The following EYA1 variants were observed in gnomAD, a reference collection of about 807,000 sequenced individuals.
EYA1 encodes protein phosphatase EYA1.
A neutral mutation model predicts 82.0 loss-of-function variants in EYA1; 16 were observed. That is an observed-to-expected ratio of 0.20 (90% CI 0.13 to 0.30). The LOEUF (loss-of-function observed/expected upper bound fraction) is 0.30, where lower values mean the gene tolerates loss of function less well. Among genes scored for constraint, EYA1 ranks in the 10% least tolerant of loss-of-function variants. The pLI is 1.00. For missense variants in EYA1, 633 were observed against 730.7 expected, an observed-to-expected ratio of 0.87 and a Z score of 1.54; for synonymous variants, 261 against 264.4, an observed-to-expected ratio of 0.99 and a Z score of 0.12.
At chr8:71,337,807 G>T (rs961554480) in intron 3 of EYA1, among the ~76,000 whole-genome samples, 5 of 152,174 alleles carry the variant, frequency 3.3e-5, no homozygotes, top group Non-Finnish European at 7.3e-5. Context: ...CTCCTGTGGA[G>T]TAATACCAGG....
intron 9 of EYA1, among the ~76,000 whole-genome samples, chr8:71,290,486 T>C (rs1818876858): frequency 6.6e-6 from 1 of 152,178 alleles, no homozygotes; most frequent in South Asian, 2.1e-4. Flanking sequence ...ATATATGCAT[T>C]ATTTTGATTA....
At chr8:71,396,492 T>C (rs916139281) in intron 2 of EYA1, among the ~76,000 whole-genome samples, 45 of 152,344 alleles carry the variant, frequency 3.0e-4, no homozygotes, top group African/African-American at 1.0e-3. Context: ...GTATGTTGTG[T>C]CTTTGTTCTC....
rs567367037 is a variant in EYA1 at position 71,325,278 on chromosome 8, G to C, written c.203-3010C>G. 3.9e-5 allele frequency among the ~76,000 whole-genome samples: 6 copies of C among 152,232 alleles called. No individual in the cohort carries two copies. In the East Asian group the frequency reaches 1.2e-3, roughly 29 times the overall value. ...TGCCTGACAAACATTCCACCACAGA[G>C]ACTAAGTCATCATTTTCCCTTTAGG... is the stretch of plus-strand genomic sequence containing the variant. On this transcript the variant is annotated intron_variant, in intron 4 of 17. Coordinates refer to ENST00000340726, the MANE Select transcript of EYA1 (RefSeq NM_000503.6).
In EYA1 at chr8:71,393,423, C is replaced by A. The variant is rs546269069; in HGVS notation, c.34-36912G>T. ...AACTCCTCATTTACATTAGGTATAT[C>A]TCCTAATGCTATCCCTCCCCCCTCC... On this transcript the variant is annotated intron_variant, in intron 2 of 18. Transcript: ENST00000643681. 5.2e-4 allele frequency among the ~76,000 whole-genome samples: 79 copies of A among 152,184 alleles called. No individual in the cohort carries two copies. In the Middle Eastern group the frequency reaches 0.017, roughly 33 times the overall value.
At chr8:71,456,500 C>G (rs536461188) in intron 2 of EYA1, among the ~76,000 whole-genome samples, 1 of 152,152 alleles carries the variant, frequency 6.6e-6, no homozygotes, top group African/African-American at 2.4e-5. Context: ...TACCTGACTT[C>G]AAACTATACT....
chr8:71,216,733 C>A lies in EYA1; in HGVS notation c.1319G>T (p.Arg440Leu). ...GTAGGTGTTGTAGATCTCTTTTACC[C>A]GTCTGTAGCGGAAGGCCAACTTTCT... ...WMRKLAFRYR[R>L]VKEIYNTYKN... Residue 440 changes from arginine to leucine, a missense_variant, in exon 14 of 18, where the codon CGG becomes CTG. Arg to Leu is a moderately radical substitution (Grantham distance 102). Coordinates refer to ENST00000340726, the MANE Select transcript of EYA1 (RefSeq NM_000503.6). 1.9e-6 allele frequency: 3 copies of A among 1,613,472 alleles called. No homozygotes were observed. The highest frequency in any genetic ancestry group is 1.1e-5 in the South Asian group (1 of 91,032).
At chr8:71,289,049 A>C (rs77798100) in intron 9 of EYA1, among the ~76,000 whole-genome samples, 1 of 152,248 alleles carries the variant, frequency 6.6e-6, no homozygotes, top group East Asian at 1.9e-4. Flanking sequence ...GTGTTCATCA[A>C]CCATGAGCTG....
intron 9 of EYA1, among the ~76,000 whole-genome samples, chr8:71,278,965 A>C (rs1817512945): frequency 6.6e-6 from 1 of 152,190 alleles, no homozygotes; most frequent in Non-Finnish European, 1.5e-5. Context: ...TACTCTCCCT[A>C]AACAGAAGTA....
chr8:71,478,585 C>G (rs1001243010), intron 2 of EYA1, among the ~76,000 whole-genome samples: 1 of 152,188 alleles, frequency 6.6e-6, no homozygotes, highest in Non-Finnish European at 1.5e-5. Context: ...TACCTGTGAA[C>G]AGCCACTCAG....
At chr8:71,527,058 C>CA (rs1813872877) in intron 2 of EYA1, among the ~76,000 whole-genome samples, 1 of 152,032 alleles carries the variant, frequency 6.6e-6, no homozygotes, top group East Asian at 1.9e-4. Flanking sequence ...ATGTGGACAT[C>CA]AAAGAATCAT....
At chr8:71,513,290 A>C (rs1812737310) in intron 2 of EYA1, among the ~76,000 whole-genome samples, 1 of 152,158 alleles carries the variant, frequency 6.6e-6, no homozygotes, top group Non-Finnish European at 1.5e-5. Flanking sequence ...GAATATTATA[A>C]ATCTTGACAA....
intron 12 of EYA1, among the ~76,000 whole-genome samples, 188 bp downstream of exon 12, chr8:71,244,415 T>G (rs1812831319): frequency 6.6e-6 from 1 of 152,196 alleles, no homozygotes; most frequent in African/African-American, 2.4e-5. Flanking sequence ...AGGATCTAAC[T>G]CTGAAAATCA....
At chr8:71,356,727 G>A (rs535331212) in intron 1 of EYA1, 84 of 1,228,964 alleles carry the variant, frequency 6.8e-5, no homozygotes, top group Admixed American at 1.7e-4. Context: ...CCTTGTCAGG[G>A]GGGGAAGGCA....
At chr8:71,405,044 G>T (rs891379119) in intron 2 of EYA1, 2 of 151,802 alleles carry the variant, frequency 1.3e-5, no homozygotes, top group South Asian at 4.2e-4. Flanking sequence ...TCTACTCTAG[G>T]ATACCTGAAT....
intron 7 of EYA1, among the ~76,000 whole-genome samples, chr8:71,301,923 T>C (rs1005683126): frequency 6.6e-6 from 1 of 152,156 alleles, no homozygotes; most frequent in South Asian, 2.1e-4. Context: ...GTTTTTTTTT[T>C]AAACATTGTC....
intron 2 of EYA1, among the ~76,000 whole-genome samples, chr8:71,385,134 T>C (rs930303228): frequency 1.1e-4 from 16 of 152,124 alleles, no homozygotes; most frequent in African/African-American, 3.6e-4. Flanking sequence ...CTGAGCCTCC[T>C]GAGTAGAATC....
intron 11 of EYA1, among the ~76,000 whole-genome samples, chr8:71,253,558 ATATT>A (rs1814013354): frequency 6.6e-6 from 1 of 152,168 alleles, no homozygotes; most frequent in African/African-American, 2.4e-5. Flanking sequence ...TCTCTAATAA[ATATT>A]TATTCTTACA....
chr8:71,213,807 G>A (rs142341492), intron 16 of EYA1, among the ~76,000 whole-genome samples: 4 of 152,272 alleles, frequency 2.6e-5, no homozygotes, highest in East Asian at 3.9e-4. Flanking sequence ...CGCTATTGAC[G>A]CACGTGCCTA....
intron 17 of EYA1, among the ~76,000 whole-genome samples, chr8:71,210,782 T>A (rs1050976144): frequency 6.6e-6 from 1 of 152,194 alleles, no homozygotes; most frequent in Non-Finnish European, 1.5e-5. Context: ...TTTGAAAGGT[T>A]CTTAGGCTGC....
Sources: allele counts gnomAD v4.1 joint callset (sites outside exome capture counted in the v4.1 genomes callset), GRCh38; gene constraint gnomAD v4.1.1; transcripts MANE v1.5; gene names NCBI Gene and HGNC (gene_info 2026-07-23, HGNC 2026-07-21).